PLSCR2: variants seen among roughly 807,000 people sequenced by gnomAD.
PLSCR2 encodes PL scramblase 2.
PLSCR2 carries 18 observed loss-of-function variants against 25.3 expected under a neutral mutation model. That is an observed-to-expected ratio of 0.71 (90% CI 0.49 to 1.06). The LOEUF (loss-of-function observed/expected upper bound fraction) is 1.06, where lower values mean the gene tolerates loss of function less well. PLSCR2 is among the 50% of genes least tolerant of loss of function. PLSCR2 has a pLI of 0.00. For synonymous variants in PLSCR2, 88 were observed against 87.3 expected (o/e 1.01, Z -0.04); for missense variants, 243 against 269.5 (o/e 0.90, Z 0.69).
chr3:146,395,846 T>C, exon 3 of PLSCR2: 1 of 202,792 alleles, frequency 4.9e-6, no homozygotes, highest in Non-Finnish European at 1.1e-5. Flanking sequence ...TCACCATTGG[T>C]TAATATTCCC....
chr3:146,434,680 A>G (rs1212700430), intron 8 of PLSCR2, among the ~76,000 whole-genome samples: 1 of 152,108 alleles, frequency 6.6e-6, no homozygotes, highest in East Asian at 1.9e-4. Context: ...TTTTTACAAG[A>G]AAGTCATTTC....
intron 1 of PLSCR2, among the ~76,000 whole-genome samples, chr3:146,465,694 T>C (rs2041832184): frequency 6.6e-6 from 1 of 152,136 alleles, no homozygotes; most frequent in Non-Finnish European, 1.5e-5. Context: ...ACAAGAATTC[T>C]AGGTGCCTAA....
intron 2 of PLSCR2, among the ~76,000 whole-genome samples, chr3:146,424,317 C>T (rs2039261994): frequency 1.3e-5 from 2 of 151,788 alleles, no homozygotes; most frequent in African/African-American, 4.8e-5. Context: ...GGATCAGGGC[C>T]CCATCCTTCT....
chr3:146,408,188 G>A (rs764065787), intron 2 of PLSCR2, among the ~76,000 whole-genome samples: 17 of 152,096 alleles, frequency 1.1e-4, no homozygotes, highest in African/African-American at 4.1e-4. Context: ...CAGACAACTT[G>A]GCCATCCAGA....
chr3:146,392,724 G>T (rs1444889097), intron 3 of PLSCR2, among the ~76,000 whole-genome samples: 1 of 151,404 alleles, frequency 6.6e-6, no homozygotes, highest in Non-Finnish European at 1.5e-5. Context: ...TTAGTAGTCT[G>T]TTACTTTATG....
intron 2 of PLSCR2, among the ~76,000 whole-genome samples, chr3:146,408,268 C>G (rs548812231): frequency 6.6e-6 from 1 of 152,092 alleles, no homozygotes; most frequent in Non-Finnish European, 1.5e-5. Context: ...TCTGGAGTCT[C>G]GAGCCTTTTT....
intron 5 of PLSCR2, 113 bp downstream of exon 5, chr3:146,453,889 C>G (rs2041042234): frequency 2.7e-6 from 2 of 752,814 alleles, no homozygotes; most frequent in Non-Finnish European, 4.0e-6. Context: ...GGAACATTAT[C>G]TTGCTATTGA....
upstream of PLSCR2, chr3:146,462,018 A>G: frequency 1.4e-6 from 1 of 713,050 alleles, no homozygotes; most frequent in Non-Finnish European, 2.2e-6. Context: ...GGAGGAAATT[A>G]AACACTTAGT....
At chr3:146,464,101 G>A (rs977339849), upstream of PLSCR2, 2 of 262,084 alleles carry the variant, frequency 7.6e-6, no homozygotes, top group Non-Finnish European at 1.2e-5. Context: ...CAATGCTGTG[G>A]ACCTCATCAA....
chr3:146,459,934 G>A, exon 2 of PLSCR2: 2 of 1,614,104 alleles, frequency 1.2e-6, no homozygotes, highest in Non-Finnish European at 1.7e-6. Flanking sequence ...CTACCTGGCT[G>A]ATTTTGAACA....
intron 1 of PLSCR2, among the ~76,000 whole-genome samples, chr3:146,480,485 T>G (rs1352221505): frequency 2.6e-5 from 4 of 152,098 alleles, no homozygotes; most frequent in African/African-American, 4.8e-5. Flanking sequence ...CTAGAAAATC[T>G]AGAAGAAATG....
intron 6 of PLSCR2, among the ~76,000 whole-genome samples, chr3:146,447,161 A>G (rs1278425191): frequency 6.6e-6 from 1 of 152,206 alleles, no homozygotes; most frequent in African/African-American, 2.4e-5. Context: ...CATGGACTCT[A>G]GAGCCCACTT....
intron 1 of PLSCR2, among the ~76,000 whole-genome samples, chr3:146,472,994 A>C (rs1441760366): frequency 2.0e-5 from 3 of 152,298 alleles, no homozygotes; most frequent in Admixed American, 2.0e-4. Flanking sequence ...TTATAAGGAC[A>C]CTGATCCCAT....
chr3:146,402,958 G>C (rs1053329091), intron 2 of PLSCR2, among the ~76,000 whole-genome samples: 1 of 152,030 alleles, frequency 6.6e-6, no homozygotes, highest in African/African-American at 2.4e-5. Context: ...TTTTCTAACT[G>C]CTTTAAAAAT....
At chr3:146,469,237 G>T in intron 1 of PLSCR2, 1 of 985,484 alleles carries the variant, frequency 1.0e-6, no homozygotes, top group East Asian at 1.1e-4. Flanking sequence ...GTAGCTAAGG[G>T]GAAGCTGAGC....
intron 1 of PLSCR2, among the ~76,000 whole-genome samples, chr3:146,485,362 C>G (rs2043303520): frequency 6.6e-6 from 1 of 152,032 alleles, no homozygotes; most frequent in Admixed American, 6.6e-5. Flanking sequence ...GAGACTTTAA[C>G]AACCTACTGT....
At chr3:146,487,901 T>A (rs1489932616) in intron 1 of PLSCR2, among the ~76,000 whole-genome samples, 1 of 152,118 alleles carries the variant, frequency 6.6e-6, no homozygotes, top group African/African-American at 2.4e-5. Flanking sequence ...GCTGGAGGCA[T>A]CATGCTACAT....
At chr3:146,431,874 A>AT (rs2039558541), downstream of PLSCR2, among the ~76,000 whole-genome samples, 1 of 151,840 alleles carries the variant, frequency 6.6e-6, no homozygotes, top group Non-Finnish European at 1.5e-5. Context: ...TAAAAAAAAA[A>AT]AAAAGACTTT....
chr3:146,409,384 G>GA (rs1285211940), intron 2 of PLSCR2, among the ~76,000 whole-genome samples: 6 of 151,874 alleles, frequency 4.0e-5, no homozygotes, highest in Non-Finnish European at 8.8e-5. Flanking sequence ...AGTACAGGGG[G>GA]AGCGAGCCGG....
Sources: gnomAD v4.1 joint callset for allele counts (sites outside exome capture counted in the v4.1 genomes callset) on GRCh38, gnomAD v4.1.1 for gene constraint, MANE v1.5 for transcripts, NCBI Gene and HGNC (gene_info 2026-07-23, HGNC 2026-07-21) for gene names.